ATP6V0A4: variants seen among roughly 807,000 people sequenced by gnomAD.
ATP6V0A4 encodes the protein V-type proton ATPase 116 kDa subunit a 4.
ATP6V0A4 carries 86 observed loss-of-function variants against 107.3 expected under a neutral mutation model. That is an observed-to-expected ratio of 0.80 (90% CI 0.67 to 0.96). The LOEUF (loss-of-function observed/expected upper bound fraction) is 0.96. ATP6V0A4 is among the 40% of genes least tolerant of loss of function. The pLI, the probability that ATP6V0A4 is intolerant of heterozygous loss-of-function variation, is 0.00. For synonymous variants in ATP6V0A4, 353 were observed against 381.4 expected (o/e 0.93, Z 0.87); for missense variants, 908 against 1,045.6 (o/e 0.87, Z 1.81).
chr7:138,766,201 T>C (rs1194045744), intron 5 of ATP6V0A4, among the ~76,000 whole-genome samples: 2 of 71,112 alleles, frequency 2.8e-5, no homozygotes, highest in Non-Finnish European at 5.4e-5. Flanking sequence ...CATGTTATTA[T>C]TATTTTTTTT....
intron 2 of ATP6V0A4, among the ~76,000 whole-genome samples, chr7:138,784,321 TA>T (rs1359959821): frequency 7.4e-6 from 1 of 135,398 alleles, no homozygotes; most frequent in East Asian, 2.0e-4. Context: ...TATATATATG[TA>T]TTTTTTTTTT....
intron 2 of ATP6V0A4, among the ~76,000 whole-genome samples, chr7:138,782,177 T>C (rs1368655136): frequency 6.6e-6 from 1 of 152,212 alleles, no homozygotes; most frequent in African/African-American, 2.4e-5. Flanking sequence ...CACGCAAGGC[T>C]GGTTCCCTCT....
intron 18 of ATP6V0A4, among the ~76,000 whole-genome samples, chr7:138,722,632 C>A (rs984392069): frequency 1.3e-4 from 19 of 149,594 alleles, no homozygotes; most frequent in Non-Finnish European, 2.5e-4. Context: ...GTAATCCCAG[C>A]TACCCGGGAG....
intron 10 of ATP6V0A4, 124 bp from the exon 11 acceptor site, chr7:138,752,961 G>A (rs1027287033): frequency 4.6e-6 from 7 of 1,527,392 alleles, no homozygotes; most frequent in Middle Eastern, 4.3e-4. Flanking sequence ...TTTGACCTGT[G>A]GCTGTCACCT....
In ATP6V0A4 at chr7:138,728,756, C is replaced by A. The variant is rs555874912; in HGVS notation, c.2010+5G>T. 1.2e-6 allele frequency: 2 copies of A among 1,614,146 alleles called. No individual in the cohort carries two copies. The highest frequency in any genetic ancestry group is 3.3e-5 in the Admixed American group (2 of 60,002). On this transcript the variant is annotated splice_donor_5th_base_variant and intron_variant, in intron 18 of 21. Coordinates refer to ENST00000310018, the MANE Select transcript of ATP6V0A4 (RefSeq NM_020632.3). ...GTAGGGTGAACTGAAACAAACAGCC[C>A]TTACCTGGGATTTCCGATGACTGGC...
intron 2 of ATP6V0A4, among the ~76,000 whole-genome samples, chr7:138,784,243 T>TATAC (rs1554402612): frequency 1.6e-3 from 54 of 33,514 alleles, no homozygotes; most frequent in African/African-American, 6.0e-3. Context: ...TACGTATATA[T>TATAC]ATATATATAC....
In ATP6V0A4 at chr7:138,728,805, G is replaced by A; in HGVS notation, c.1966C>T (p.Leu656=). 6.2e-7 allele frequency: 1 copy of A among 1,614,190 alleles called. No individual in the cohort carries two copies. The highest frequency in any genetic ancestry group is 8.5e-7 in the Non-Finnish European group (1 of 1,180,054). ...GCTCTAAGAATAAACGGCTTAATCA[G>A]AAGCATCCACGGCACAGAAATCAAA... ...MALISVPWML[L]IKPFILRASH... The change falls in exon 18 of 22, where the codon CTG becomes TTG. Residue 656 remains leucine (L), a synonymous_variant. Transcript: ENST00000310018.
chr7:138,711,085 C>T (rs1475544982), intron 20 of ATP6V0A4, among the ~76,000 whole-genome samples: 1 of 152,092 alleles, frequency 6.6e-6, no homozygotes, highest in African/African-American at 2.4e-5. Context: ...GTCCCCCCAC[C>T]CCCACTTCCC....
intron 2 of ATP6V0A4, among the ~76,000 whole-genome samples, chr7:138,784,238 A>ACG (rs1554402588): frequency 0.29 from 14,416 of 48,886 alleles, 1,227 homozygotes; most frequent in Non-Finnish European, 0.37. Flanking sequence ...ATATATACGT[A>ACG]TATATATATA....
At chr7:138,786,502 C>T (rs1808182493) in intron 1 of ATP6V0A4, among the ~76,000 whole-genome samples, 1 of 151,800 alleles carries the variant, frequency 6.6e-6, no homozygotes, top group South Asian at 2.1e-4. Context: ...TCGCTTGAGC[C>T]AGGGAGGTCG....
chr7:138,733,130 C>T (rs1033832389), intron 16 of ATP6V0A4, 37 bp from the exon 17 acceptor site: 3 of 1,612,668 alleles, frequency 1.9e-6, no homozygotes, highest in African/African-American at 2.7e-5. Flanking sequence ...CAAGATAGAA[C>T]ATCAAGGGAA....
chr7:138,713,245 C>T (rs191631211), intron 20 of ATP6V0A4, among the ~76,000 whole-genome samples: 7 of 139,866 alleles, frequency 5.0e-5, no homozygotes, highest in Non-Finnish European at 9.0e-5. Context: ...GCGGAGGTTG[C>T]AGTGAGCCGA....
intron 20 of ATP6V0A4, among the ~76,000 whole-genome samples, chr7:138,710,183 T>C (rs1338474242): frequency 7.4e-6 from 1 of 135,948 alleles, no homozygotes; most frequent in Non-Finnish European, 1.6e-5. Flanking sequence ...GTGCCGCCAC[T>C]GTCTGTTAAT....
At chr7:138,754,877 C>T (rs967833782) in intron 10 of ATP6V0A4, among the ~76,000 whole-genome samples, 9 of 152,134 alleles carry the variant, frequency 5.9e-5, no homozygotes, top group Non-Finnish European at 1.3e-4. Flanking sequence ...ATCCACCCAC[C>T]TCAGCTTCCC....
chr7:138,747,607 C>T, intron 12 of ATP6V0A4, 43 bp from the exon 13 acceptor site: 1 of 1,607,302 alleles, frequency 6.2e-7, no homozygotes, highest in Non-Finnish European at 8.5e-7. Context: ...TCAGCACAGC[C>T]TCGGGGCCCC....
At chr7:138,754,531 A>G (rs111997031) in intron 10 of ATP6V0A4, among the ~76,000 whole-genome samples, 4,771 of 152,168 alleles carry the variant, frequency 0.031, 245 homozygotes, top group African/African-American at 0.11. Flanking sequence ...AAAGAGGCAC[A>G]TATCTAATTT....
intron 5 of ATP6V0A4, among the ~76,000 whole-genome samples, chr7:138,768,089 AC>A (rs1330690468): frequency 1.3e-5 from 2 of 151,416 alleles, no homozygotes; most frequent in African/African-American, 2.4e-5. Context: ...ACCTACCACC[AC>A]CCCCGGCTAA....
chr7:138,713,964 A>G (rs1304506375), intron 20 of ATP6V0A4, among the ~76,000 whole-genome samples: 2 of 150,452 alleles, frequency 1.3e-5, no homozygotes, highest in South Asian at 2.1e-4. Context: ...TTCGCCAAGT[A>G]TGTTGGTGTG....
intron 1 of ATP6V0A4, among the ~76,000 whole-genome samples, chr7:138,793,872 G>C (rs1445177967): frequency 1.3e-5 from 2 of 152,176 alleles, no homozygotes; most frequent in Admixed American, 1.3e-4. Context: ...CCGCCTCCCA[G>C]TGCAATTTTG....
Sources: gnomAD v4.1 joint callset for allele counts (sites outside exome capture counted in the v4.1 genomes callset) on GRCh38, gnomAD v4.1.1 for gene constraint, MANE v1.5 for transcripts, NCBI Gene and HGNC (gene_info 2026-07-23, HGNC 2026-07-21) for gene names.